Variants in NBEA observed in about 807,000 individuals in gnomAD.
The protein encoded by NBEA is neurobeachin.
A neutral mutation model predicts 343.4 loss-of-function variants in NBEA; 44 were observed. The ratio of observed to expected loss-of-function variants is 0.13; its 90% CI spans 0.10 to 0.16. The LOEUF is 0.16. Ranked by LOEUF, NBEA falls within the 10% of genes least tolerant of loss-of-function variation. The probability of loss-of-function intolerance (pLI) is 1.00; values close to 1 mark genes in which losing one functional copy is unlikely to be tolerated. For missense variants in NBEA, 2,555 were observed against 3,631.3 expected, an observed-to-expected ratio of 0.70 and a Z score of 7.62; for synonymous variants, 1,175 against 1,238.7, an observed-to-expected ratio of 0.95 and a Z score of 1.08.
Position 35,068,582 on chromosome 13 carries a change from A to G in NBEA, c.1240-1326A>G, listed in dbSNP as rs1429907258. 3.9e-5 allele frequency among the ~76,000 whole-genome samples: 6 copies of G among 152,262 alleles called. No homozygotes were observed. The Middle Eastern group carries it at 0.01, about 259-fold the overall frequency. On this transcript the variant is annotated intron_variant, in intron 8 of 58. Coordinates refer to ENST00000379939, the MANE Select transcript of NBEA (RefSeq NM_001385012.1). The stretch of plus-strand genomic sequence containing the variant: ...CCCTCCTCATTCAAAAAAAAGTATT[A>G]TCAATGACATACTTCAGACTACAGC...
At chr13:35,030,399 T>C (rs1202149152) in intron 1 of NBEA, among the ~76,000 whole-genome samples, 1 of 151,600 alleles carries the variant, frequency 6.6e-6, no homozygotes, top group Non-Finnish European at 1.5e-5. Context: ...CTTTCTTAAA[T>C]CTACACCTCT....
intron 48 of NBEA, among the ~76,000 whole-genome samples, chr13:35,620,978 G>A (rs888169518): frequency 2.0e-5 from 3 of 152,144 alleles, no homozygotes; most frequent in African/African-American, 7.2e-5. Context: ...TAAAATGAAA[G>A]CGTGGGTGTT....
chr13:35,019,651 T>G (rs2061767901), intron 1 of NBEA, among the ~76,000 whole-genome samples: 1 of 152,178 alleles, frequency 6.6e-6, no homozygotes, highest in African/African-American at 2.4e-5. Context: ...GGGTTTTGTT[T>G]GCAGGAAGGC....
rs73485777 is a variant in NBEA at position 34,993,652 on chromosome 13, C to T, written c.295-47281C>T. ...ACCAAGATAAATGATGACTGTTTTT[C>T]GTGGTTTGAGTATGACCCCTGGTTA... On this transcript the variant is annotated intron_variant, in intron 1 of 58. Transcript: ENST00000379939. Among the ~76,000 whole-genome samples the T allele has an allele frequency of 6.4e-3, 971 of 152,224 alleles. 11 individuals are homozygous for T. Among genetic ancestry groups the T allele is most frequent in the African/African-American group, 0.022 (929 of 41,544 alleles).
intron 10 of NBEA, among the ~76,000 whole-genome samples, chr13:35,079,749 A>G (rs2064289671): frequency 6.6e-6 from 1 of 152,184 alleles, no homozygotes; most frequent in African/African-American, 2.4e-5. Context: ...ATAATAGAAA[A>G]TAGTCCACCA....
In NBEA at chr13:35,488,441, C is replaced by T. The variant is rs117439139; in HGVS notation, c.6585+15905C>T. ...AGCCTCATTTGGGATAAAGTATATA[C>T]TTTATGTATTTTGGCATTTATCAAT... is the stretch of plus-strand genomic sequence containing the variant. On this transcript the variant is annotated intron_variant, in intron 41 of 58. Transcript: ENST00000379939. Among the ~76,000 whole-genome samples the T allele has an allele frequency of 8.1e-3, 1,236 of 151,876 alleles. 10 individuals are homozygous for T. Among genetic ancestry groups the T allele is most frequent in the Non-Finnish European group, 0.013 (872 of 67,844 alleles).
At chr13:35,019,499 A>G (rs755938062) in intron 1 of NBEA, among the ~76,000 whole-genome samples, 12 of 152,008 alleles carry the variant, frequency 7.9e-5, no homozygotes, top group South Asian at 4.2e-4. Context: ...GGGTCTCACC[A>G]TGTTGGCCAG....
intron 20 of NBEA, 21 bp downstream of exon 20, chr13:35,156,227 A>G (rs773961108): frequency 1.7e-5 from 26 of 1,535,488 alleles, no homozygotes; most frequent in Non-Finnish European, 2.6e-6. Flanking sequence ...TGGATACTGT[A>G]ACAACACTTT....
chr13:35,559,430 G>T (rs1054228445), intron 44 of NBEA, among the ~76,000 whole-genome samples: 1 of 152,064 alleles, frequency 6.6e-6, no homozygotes, highest in African/African-American at 2.4e-5. Flanking sequence ...TTGATTGATT[G>T]AAACTTAAGA....
Position 35,156,195 on chromosome 13 carries a change from T to G in NBEA, c.2640T>G (p.Arg880=), listed in dbSNP as rs1243134701. The G allele has an allele frequency of 6.3e-7, 1 of 1,582,366 alleles. No individual in the cohort carries two copies. Among genetic ancestry groups the G allele is most frequent in the Non-Finnish European group, 8.6e-7 (1 of 1,165,750 alleles). Residue 880 remains arginine (R), a synonymous_variant, in exon 20 of 59, where the codon CGT becomes CGG. Coordinates refer to ENST00000379939, the MANE Select transcript of NBEA (RefSeq NM_001385012.1). ...SDMIKLFSNS[R]ENRRCLLQCS... is the part of the protein sequence containing the mutation. Reference sequence around the variant, plus strand: ...TGATAAAACTTTTCAGTAACAGCCGTGAAAATAGAAGGTAAGCAGTTTGGA... The same window carrying G: ...TGATAAAACTTTTCAGTAACAGCCGGGAAAATAGAAGGTAAGCAGTTTGGA...
chr13:35,171,563 G>T, intron 26 of NBEA, 111 bp downstream of exon 26: 1 of 876,850 alleles, frequency 1.1e-6, no homozygotes, highest in East Asian at 2.8e-5. Flanking sequence ...TATATAATAT[G>T]GAGATTATCT....
rs1555361184 is a variant in NBEA at position 35,308,568 on chromosome 13, A to ATATATGTATATATG, written c.5839-955_5839-954insGTATATATGTATAT. On this transcript the variant is annotated intron_variant, in intron 35 of 58. Coordinates refer to ENST00000379939, the MANE Select transcript of NBEA (RefSeq NM_001385012.1). ...TATATATGTATATATGTATATATGTATATATATGTATATATGTATATATGT... is the reference window on the plus strand; with the variant it reads ...TATATATGTATATATGTATATATGTATATATGTATATATGTATATATGTATATATGTATATATGT... Among the ~76,000 whole-genome samples the ATATATGTATATATG allele has an allele frequency of 4.3e-3, 377 of 87,358 alleles. 9 individuals are homozygous for ATATATGTATATATG. Among genetic ancestry groups the ATATATGTATATATG allele is most frequent in the South Asian group, 0.028 (77 of 2,736 alleles). 57.3% of individuals were successfully genotyped at this position (87,358 alleles called of 152,430 possible).
intron 1 of NBEA, among the ~76,000 whole-genome samples, chr13:35,020,664 C>T (rs535208807): frequency 1.4e-4 from 21 of 152,210 alleles, no homozygotes; most frequent in East Asian, 5.8e-4. Context: ...ACTACAGCTG[C>T]GTGCCACCAC....
chr13:35,583,336 G>A (rs2081141920), intron 45 of NBEA, among the ~76,000 whole-genome samples: 1 of 152,206 alleles, frequency 6.6e-6, no homozygotes, highest in African/African-American at 2.4e-5. Context: ...GAATTTCCTG[G>A]ATTATTCCAT....
At chr13:35,549,902 T>C (rs554534553) in intron 41 of NBEA, among the ~76,000 whole-genome samples, 38 of 152,350 alleles carry the variant, frequency 2.5e-4, no homozygotes, top group Admixed American at 1.1e-3. Context: ...AAAATTTTGT[T>C]GGAATACTTC....
intron 41 of NBEA, among the ~76,000 whole-genome samples, chr13:35,523,718 T>C (rs1427683838): frequency 6.6e-6 from 1 of 152,238 alleles, no homozygotes; most frequent in Non-Finnish European, 1.5e-5. Context: ...TCAGTTATTA[T>C]AGCCCTGCTT....
chr13:35,442,206 C>T (rs183133729), intron 39 of NBEA, among the ~76,000 whole-genome samples: 2 of 152,054 alleles, frequency 1.3e-5, no homozygotes, highest in Non-Finnish European at 2.9e-5. Flanking sequence ...TGTATTTTAT[C>T]ATAGGGACCA....
At chr13:35,083,483 C>A (rs2064541565) in intron 10 of NBEA, among the ~76,000 whole-genome samples, 1 of 152,070 alleles carries the variant, frequency 6.6e-6, no homozygotes, top group Admixed American at 6.6e-5. Flanking sequence ...GAATTTTCAA[C>A]CCAGAACTTC....
intron 1 of NBEA, among the ~76,000 whole-genome samples, chr13:35,027,010 T>C (rs919222508): frequency 6.6e-6 from 1 of 152,134 alleles, no homozygotes; most frequent in Non-Finnish European, 1.5e-5. Flanking sequence ...ATGTGATCTT[T>C]GGAGACTGCT....
Sources: gnomAD v4.1 joint callset for allele counts (sites outside exome capture counted in the v4.1 genomes callset) on GRCh38, gnomAD v4.1.1 for gene constraint, MANE v1.5 for transcripts, NCBI Gene and HGNC (gene_info 2026-07-23, HGNC 2026-07-21) for gene names.